TMEM132B: variants seen among roughly 807,000 people sequenced by gnomAD.
TMEM132B encodes transmembrane protein 132B.
TMEM132B carries 18 observed loss-of-function variants against 90.8 expected under a neutral mutation model. The observed-to-expected ratio is 0.20, with a 90% confidence interval of 0.14 to 0.29. The LOEUF (loss-of-function observed/expected upper bound fraction) is 0.29, where lower values mean the gene tolerates loss of function less well. Among genes scored for constraint, TMEM132B ranks in the 10% least tolerant of loss-of-function variants. TMEM132B has a pLI of 1.00. For missense variants in TMEM132B, 1,096 were observed against 1,326.8 expected (o/e 0.83, Z 2.70); for synonymous variants, 504 against 523.3 (o/e 0.96, Z 0.50).
chr12:125,578,322 T>G (rs533849444), intron 4 of TMEM132B, among the ~76,000 whole-genome samples: 1 of 152,296 alleles, frequency 6.6e-6, no homozygotes, highest in East Asian at 1.9e-4. Flanking sequence ...TATATTTTCT[T>G]GTTGATTGAC....
rs1443835466 is a variant in TMEM132B at position 125,350,062 on chromosome 12, C to T, written c.678C>T (p.Leu226=). 1 of 1,614,244 alleles carries T rather than the reference C, an allele frequency of 6.2e-7. No homozygotes were observed. Among genetic ancestry groups the T allele is most frequent in the Non-Finnish European group, 8.5e-7 (1 of 1,180,044 alleles). Residue 226 remains leucine (L), a synonymous_variant, in exon 2 of 9, where the codon CTC becomes CTT. Coordinates refer to ENST00000682704, the MANE Select transcript of TMEM132B (RefSeq NM_001366854.1). ...GGTTMELFFT[L]YPADKAGQCP... Reference sequence around the variant, plus strand: ...CCACGATGGAGCTCTTCTTCACGCTCTACCCAGCTGACAAGGCTGGCCAGT... The same window carrying T: ...CCACGATGGAGCTCTTCTTCACGCTTTACCCAGCTGACAAGGCTGGCCAGT...
chr12:125,207,193 C>T (rs898074203), intron 1 of TMEM132B, among the ~76,000 whole-genome samples: 43 of 152,318 alleles, frequency 2.8e-4, no homozygotes, highest in African/African-American at 1.0e-3. Context: ...TTTGGCTTCT[C>T]GTTGAAACAG....
intron 5 of TMEM132B, among the ~76,000 whole-genome samples, chr12:125,630,354 AT>A (rs1335767958): frequency 6.6e-6 from 1 of 151,832 alleles, no homozygotes; most frequent in Non-Finnish European, 1.5e-5. Context: ...TTTCTTCATG[AT>A]TCAATCATGG....
At chr12:125,515,486 C>CTG (rs1566059956) in intron 3 of TMEM132B, among the ~76,000 whole-genome samples, 41,442 of 125,632 alleles carry the variant, frequency 0.33, 10,045 homozygotes, top group East Asian at 0.66. Flanking sequence ...CATTGTCACA[C>CTG]TCACACACAT....
chr12:125,347,010 T>C (rs1225943384), intron 1 of TMEM132B, among the ~76,000 whole-genome samples: 2 of 150,750 alleles, frequency 1.3e-5, no homozygotes, highest in Non-Finnish European at 2.9e-5. Context: ...TTATAAATCA[T>C]GCTTGCGATA....
At position 125,654,206 on chromosome 12, in the gene TMEM132B, C is replaced by T. The variant is rs1566103899; in HGVS notation, c.2748C>T (p.Ala916=). The part of the protein sequence containing the change: ...MYALLCVFCL[A]ILVFLINCVA... Reference sequence around the variant, plus strand: ...CCTTGCTCTGCGTCTTCTGTCTGGCCATTCTGGTCTTCTTGATCAACTGCG... The same window carrying T: ...CCTTGCTCTGCGTCTTCTGTCTGGCTATTCTGGTCTTCTTGATCAACTGCG... Residue 916 remains alanine, a synonymous_variant, in exon 9 of 9, where the codon GCC becomes GCT. Coordinates refer to ENST00000682704, the MANE Select transcript of TMEM132B (RefSeq NM_001366854.1). This position sits in a 1 kb window ranked among gnomAD's most constrained non-coding sequence, Gnocchi z 5.8. 1 of 1,614,216 alleles carries T rather than the reference C, an allele frequency of 6.2e-7. No homozygotes were observed.
intron 3 of TMEM132B, among the ~76,000 whole-genome samples, chr12:125,468,544 G>A (rs1241426718): frequency 1.3e-5 from 2 of 152,192 alleles, no homozygotes; most frequent in Non-Finnish European, 2.9e-5. Flanking sequence ...CATAGTGTAT[G>A]TGGCTTTGTT....
chr12:125,454,375 C>CGTGT (rs549820136), intron 3 of TMEM132B, among the ~76,000 whole-genome samples: 4,298 of 119,908 alleles, frequency 0.036, 93 homozygotes, highest in Middle Eastern at 0.088. Context: ...TACAGCCAGC[C>CGTGT]GTGTGTGTGT....
rs879349832 is a variant in TMEM132B, at chr12:125,484,263, A to ACGATATGTGTT, written c.1107-35175_1107-35174insGATATGTGTTC. Among the ~76,000 whole-genome samples, 1,125 of 152,260 alleles carry ACGATATGTGTT rather than the reference A, an allele frequency of 7.4e-3. 7 individuals carry two copies. The highest frequency in any genetic ancestry group is 0.025 in the African/African-American group (1,057 of 41,538). The stretch of plus-strand genomic sequence containing the variant: ...CTAATGTTCTCCAACTTCAGTGTAC[A>ACGATATGTGTT]CACGATATGTATGAACACATGGATG... On this transcript the variant is annotated intron_variant, in intron 3 of 8. Transcript: ENST00000682704.
intron 1 of TMEM132B, among the ~76,000 whole-genome samples, chr12:125,320,038 G>C (rs1052566664): frequency 6.6e-6 from 1 of 151,484 alleles, no homozygotes; most frequent in Admixed American, 6.6e-5. Flanking sequence ...GGGAGCCACC[G>C]GTCTAGGGCA....
rs1370570073 is a variant in TMEM132B at position 125,661,111 on chromosome 12, A to G, written c.*6401A>G. ...TTCCCATTGTAAGGCTGGAGCTGAA[A>G]TAGTCTGCCACGTTATTGTTATCTC... On this transcript the variant is annotated 3_prime_UTR_variant, in exon 9 of 9. Coordinates refer to ENST00000682704, the MANE Select transcript of TMEM132B (RefSeq NM_001366854.1). 2 of 152,248 alleles carry G rather than the reference A, an allele frequency of 1.3e-5. No homozygotes were observed. The highest frequency in any genetic ancestry group is 4.8e-5 in the African/African-American group (2 of 41,464). 9.4% of individuals were successfully genotyped at this position (152,248 alleles called of 1,614,324 possible).
At chr12:125,362,335 A>G (rs1409776865) in intron 2 of TMEM132B, among the ~76,000 whole-genome samples, 1 of 152,130 alleles carries the variant, frequency 6.6e-6, no homozygotes, top group Non-Finnish European at 1.5e-5. Flanking sequence ...TTGTACTTAC[A>G]TTTTGTTTCT....
chr12:125,237,760 C>G (rs1196886148), intron 1 of TMEM132B, among the ~76,000 whole-genome samples: 1 of 152,196 alleles, frequency 6.6e-6, no homozygotes, highest in East Asian at 1.9e-4. Flanking sequence ...CGTTGGCGTA[C>G]TTAAAGTTGC....
intron 3 of TMEM132B, among the ~76,000 whole-genome samples, chr12:125,494,574 A>C (rs1452516710): frequency 6.4e-5 from 4 of 62,972 alleles, no homozygotes; most frequent in African/African-American, 6.5e-5. Flanking sequence ...GAAGAAATGG[A>C]TGCGTCCCTC....
chr12:125,284,171 A>G (rs535495827), intron 1 of TMEM132B, among the ~76,000 whole-genome samples: 24 of 152,324 alleles, frequency 1.6e-4, no homozygotes, highest in African/African-American at 5.8e-4. Flanking sequence ...ATTTTTCTGC[A>G]TAGATGTACA....
intron 2 of TMEM132B, among the ~76,000 whole-genome samples, chr12:125,383,076 GA>G (rs2136288835): frequency 6.6e-6 from 1 of 152,302 alleles, no homozygotes; most frequent in Non-Finnish European, 1.5e-5. Context: ...GGGTTTCTCA[GA>G]CTGTGGTACC....
intron 1 of TMEM132B, among the ~76,000 whole-genome samples, chr12:125,297,802 G>C: frequency 6.6e-6 from 1 of 152,178 alleles, no homozygotes; most frequent in South Asian, 2.1e-4. Context: ...TAAATGAAGG[G>C]GGAGCCCTGG....
intron 1 of TMEM132B, among the ~76,000 whole-genome samples, chr12:125,191,504 A>G (rs1244166019): frequency 2.0e-5 from 3 of 152,150 alleles, no homozygotes; most frequent in African/African-American, 7.2e-5. Flanking sequence ...TTCACTCTCT[A>G]GCCTTGTGCG....
intron 3 of TMEM132B, among the ~76,000 whole-genome samples, chr12:125,433,349 C>T (rs527630938): frequency 2.0e-5 from 3 of 152,168 alleles, no homozygotes; most frequent in South Asian, 2.1e-4. Flanking sequence ...AGGTGTCCCC[C>T]GACTTGAACT....
Sources: allele counts gnomAD v4.1 joint callset (sites outside exome capture counted in the v4.1 genomes callset), GRCh38; gene constraint gnomAD v4.1.1; non-coding constraint Gnocchi (gnomAD v3.1); transcripts MANE v1.5; gene names NCBI Gene and HGNC (gene_info 2026-07-23, HGNC 2026-07-21).